The following UBXN4 variants were observed in gnomAD, a reference collection of about 807,000 sequenced individuals.
UBXN4 encodes the protein UBX domain protein 4.
Under a neutral mutation model 66.2 loss-of-function variants are expected in UBXN4, and 35 were observed. The observed-to-expected ratio is 0.53, with a 90% CI of 0.40 to 0.70. The LOEUF is 0.70. Ranked by LOEUF, UBXN4 falls within the 30% of genes least tolerant of loss-of-function variation. The probability of loss-of-function intolerance (pLI) is 0.00; values close to 1 mark genes in which losing one functional copy is unlikely to be tolerated. For missense variants in UBXN4, 533 were observed against 599.8 expected (o/e 0.89, Z 1.16); for synonymous variants, 203 against 204.5 (o/e 0.99, Z 0.06).
At chr2:135,776,220 A>AT in intron 9 of UBXN4, 29 bp from the exon 10 acceptor site, 1 of 1,567,244 alleles carries the variant, frequency 6.4e-7, no homozygotes, top group Non-Finnish European at 8.8e-7. Flanking sequence ...AGAGGTGAAG[A>AT]TTGTGACTTT....
intron 6 of UBXN4, among the ~76,000 whole-genome samples, chr2:135,765,357 C>G (rs192753379): frequency 6.6e-6 from 1 of 151,698 alleles, no homozygotes; most frequent in African/African-American, 2.4e-5. Flanking sequence ...TTACAGGTGC[C>G]CACCACCACA....
intron 1 of UBXN4, among the ~76,000 whole-genome samples, chr2:135,744,688 GT>G (rs1393167991): frequency 1.3e-5 from 2 of 152,140 alleles, no homozygotes; most frequent in Non-Finnish European, 2.9e-5. Context: ...CTGAGTTCGT[GT>G]TGCTCTCTTT....
At chr2:135,754,426 G>A (rs2077267229) in intron 4 of UBXN4, 149 bp downstream of exon 4, 1 of 609,966 alleles carries the variant, frequency 1.6e-6, no homozygotes, top group African/African-American at 1.9e-5. Context: ...AGGTTCAAGT[G>A]ATTCTCCTGC....
chr2:135,751,305 G>A (rs1473759202), intron 2 of UBXN4, among the ~76,000 whole-genome samples: 1 of 151,726 alleles, frequency 6.6e-6, no homozygotes, highest in Non-Finnish European at 1.5e-5. Context: ...TCCTGCCTCA[G>A]CCTCCCAAGT....
chr2:135,748,207 A>G, intron 1 of UBXN4, 60 bp from the exon 2 acceptor site: 1 of 1,308,988 alleles, frequency 7.6e-7, no homozygotes, highest in Non-Finnish European at 1.0e-6. Flanking sequence ...TTTCCAGGGG[A>G]AAAGAGTTTG....
intron 10 of UBXN4, among the ~76,000 whole-genome samples, chr2:135,777,315 A>G (rs1404360549): frequency 6.6e-6 from 1 of 152,132 alleles, no homozygotes; most frequent in African/African-American, 2.4e-5. Flanking sequence ...TATAATTTCA[A>G]GGTTAAAATT....
chr2:135,753,776 C>G, intron 3 of UBXN4: 1 of 488,450 alleles, frequency 2.0e-6, no homozygotes. Flanking sequence ...GTGTAGTGCA[C>G]CCCATACATT....
rs376110386 is a variant in UBXN4 at position 135,776,384 on chromosome 2, G to A, written c.1053+33G>A. ...TATGTCTTGAGTTGTAGTAAAAATA[G>A]ATGTGTAGGTTACTAAATTATAGGA... On this transcript the variant is annotated intron_variant, in intron 10 of 12. Transcript: ENST00000272638. 2.7e-4 allele frequency: 420 copies of A among 1,561,276 alleles called. 7 individuals carry two copies. Among genetic ancestry groups the A allele is most frequent in the South Asian group, 2.5e-3 (224 of 88,118 alleles).
At chr2:135,779,870 AT>A (rs2077438948) in intron 11 of UBXN4, among the ~76,000 whole-genome samples, 1 of 84,246 alleles carries the variant, frequency 1.2e-5, no homozygotes, top group Non-Finnish European at 3.6e-5. Flanking sequence ...ATATAAAATA[AT>A]TTTATAATTA....
chr2:135,764,290 C>T (rs2077334628), intron 6 of UBXN4, among the ~76,000 whole-genome samples: 1 of 151,962 alleles, frequency 6.6e-6, no homozygotes, highest in Non-Finnish European at 1.5e-5. Flanking sequence ...GCTTTTTTCT[C>T]ATCTAGCTTC....
intron 7 of UBXN4, 136 bp from the exon 8 acceptor site, chr2:135,770,435 C>A: frequency 1.9e-6 from 1 of 530,290 alleles, no homozygotes; most frequent in Non-Finnish European, 3.3e-6. Context: ...GACCATTAAC[C>A]ATGCCATTAA....
At chr2:135,748,170 G>T (rs2077220833) in intron 1 of UBXN4, 97 bp from the exon 2 acceptor site, 2 of 887,742 alleles carry the variant, frequency 2.3e-6, no homozygotes, top group Admixed American at 6.2e-5. Context: ...GGTATAGGTG[G>T]GATTATATTT....
intron 1 of UBXN4, among the ~76,000 whole-genome samples, chr2:135,742,236 C>T (rs913579041): frequency 2.0e-5 from 3 of 152,174 alleles, no homozygotes; most frequent in Non-Finnish European, 4.4e-5. Context: ...AGGCCCCGGG[C>T]GCCCCCAGCC....
intron 2 of UBXN4, 106 bp downstream of exon 2, chr2:135,748,475 C>G: frequency 2.4e-6 from 2 of 817,504 alleles, no homozygotes; most frequent in East Asian, 3.4e-5. Context: ...GGGCTGGGCA[C>G]TCCCAGCACT....
At chr2:135,776,791 C>T (rs2077417640) in intron 10 of UBXN4, among the ~76,000 whole-genome samples, 1 of 152,178 alleles carries the variant, frequency 6.6e-6, no homozygotes, top group Non-Finnish European at 1.5e-5. Flanking sequence ...GACAGGGTTT[C>T]ACCATGTAGC....
At chr2:135,747,705 G>A (rs1483435767) in intron 1 of UBXN4, 4 of 455,866 alleles carry the variant, frequency 8.8e-6, no homozygotes, top group Non-Finnish European at 1.8e-5. Flanking sequence ...TGCAATCTCC[G>A]CTCACTGCAA....
At chr2:135,760,063 C>G (rs1175272300) in intron 5 of UBXN4, among the ~76,000 whole-genome samples, 2 of 152,058 alleles carry the variant, frequency 1.3e-5, no homozygotes, top group Non-Finnish European at 2.9e-5. Context: ...CCACCATACC[C>G]GACCTAGAAT....
chr2:135,766,518 A>G (rs1233078066), intron 6 of UBXN4, among the ~76,000 whole-genome samples: 1 of 152,220 alleles, frequency 6.6e-6, no homozygotes, highest in Non-Finnish European at 1.5e-5. Context: ...CTCTGAATCC[A>G]AGACACTTCT....
chr2:135,747,737 C>G (rs181955957), intron 1 of UBXN4: 1 of 455,440 alleles, frequency 2.2e-6, no homozygotes. Context: ...CGAGTGCAAG[C>G]AATTCTCCTG....
Sources: gnomAD v4.1 joint callset for allele counts (sites outside exome capture counted in the v4.1 genomes callset) on GRCh38, gnomAD v4.1.1 for gene constraint, MANE v1.5 for transcripts, NCBI Gene and HGNC (gene_info 2026-07-23, HGNC 2026-07-21) for gene names.